Variants in INSL6 observed in about 807,000 individuals in gnomAD.
INSL6 encodes insulin-like peptide INSL6.
In INSL6, 16 loss-of-function variants were observed where a neutral mutation model predicts 9.4. The observed-to-expected ratio is 1.70, with a 90% CI of 1.15 to 2.59. The LOEUF (loss-of-function observed/expected upper bound fraction) is 2.59, where lower values mean the gene tolerates loss of function less well. INSL6 is among the 30% of genes most tolerant of loss of function. INSL6 has a pLI of 0.00. For missense variants in INSL6, 391 were observed against 257.3 expected, an observed-to-expected ratio of 1.52 and a Z score of -3.56; for synonymous variants, 154 against 96.9, an observed-to-expected ratio of 1.59 and a Z score of -3.46.
the INSL6 span, chr9:5,090,457 C>A: frequency 1.9e-6 from 3 of 1,559,830 alleles, no homozygotes; most frequent in East Asian, 4.6e-5. Context: ...TCGGCGTAAT[C>A]TAAAATTAAT....
chr9:5,067,112 C>G, the INSL6 span, among the ~76,000 whole-genome samples: 2 of 152,014 alleles, frequency 1.3e-5, no homozygotes, highest in South Asian at 4.1e-4. Flanking sequence ...AACTGGAAAT[C>G]TTTGCCACAT....
At chr9:5,075,680 G>C in the INSL6 span, among the ~76,000 whole-genome samples, 1 of 152,316 alleles carries the variant, frequency 6.6e-6, no homozygotes, top group East Asian at 1.9e-4. Flanking sequence ...AGCTCTGATG[G>C]AGATGTACAA....
chr9:5,021,765 C>G, the INSL6 span, among the ~76,000 whole-genome samples: 7 of 152,168 alleles, frequency 4.6e-5, no homozygotes, highest in Admixed American at 3.3e-4. Context: ...GCTAGGACTA[C>G]AAGTGCGTGC....
chr9:5,178,753 G>C (rs1178128902), intron 1 of INSL6, among the ~76,000 whole-genome samples: 11 of 152,156 alleles, frequency 7.2e-5, no homozygotes, highest in Admixed American at 7.2e-4. Flanking sequence ...ACAAAAACAA[G>C]CAATGAGGGA....
At chr9:5,069,146 A>G in the INSL6 span, 11 of 1,613,220 alleles carry the variant, frequency 6.8e-6, no homozygotes, top group Admixed American at 1.8e-4. Flanking sequence ...TACCAGATGG[A>G]AACTGTTCGC....
intron 3 of INSL6, chr9:5,126,813 G>A (rs771905359): frequency 1.4e-6 from 2 of 1,432,660 alleles, no homozygotes; most frequent in South Asian, 2.3e-5. Context: ...TTCATTCTGA[G>A]ACCAAAGTAG....
chr9:5,019,523 G>T, the INSL6 span, among the ~76,000 whole-genome samples: 16 of 152,006 alleles, frequency 1.1e-4, no homozygotes, highest in Non-Finnish European at 1.3e-4. Context: ...TCTTTTTCTG[G>T]CATTTCATGA....
the INSL6 span, chr9:5,114,498 G>C: frequency 2.1e-6 from 1 of 472,140 alleles, no homozygotes; most frequent in Non-Finnish European, 4.2e-6. Flanking sequence ...TCCCCCACAG[G>C]TCTACGTGTT....
chr9:5,097,997 T>A, the INSL6 span: 1 of 152,338 alleles, frequency 6.6e-6, no homozygotes, highest in Non-Finnish European at 1.5e-5. Flanking sequence ...TCCTGATGCA[T>A]ACACCGCATG....
At chr9:5,166,223 T>G (rs1001745528) in intron 1 of INSL6, among the ~76,000 whole-genome samples, 1 of 152,202 alleles carries the variant, frequency 6.6e-6, no homozygotes, top group African/African-American at 2.4e-5. Context: ...GTTTTTGTTT[T>G]GTTTTTTTAA....
At chr9:5,157,864 G>A (rs978963737) in intron 2 of INSL6, among the ~76,000 whole-genome samples, 13 of 152,108 alleles carry the variant, frequency 8.5e-5, no homozygotes, top group African/African-American at 3.1e-4. Flanking sequence ...GGTACCAGGG[G>A]CCAATCCCAC....
At chr9:5,124,025 T>C (rs894829661) in exon 4 of INSL6, among the ~76,000 whole-genome samples, 8 of 151,784 alleles carry the variant, frequency 5.3e-5, no homozygotes, top group African/African-American at 1.7e-4. Flanking sequence ...AAAATGTCTA[T>C]TGATCTCCTT....
chr9:5,025,424 G>GT, the INSL6 span, among the ~76,000 whole-genome samples: 4 of 151,836 alleles, frequency 2.6e-5, no homozygotes, highest in African/African-American at 4.8e-5. Flanking sequence ...CCTGATGGTG[G>GT]TTTTTTCTTT....
chr9:5,095,382 T>C, the INSL6 span, among the ~76,000 whole-genome samples: 1 of 152,184 alleles, frequency 6.6e-6, no homozygotes, highest in Non-Finnish European at 1.5e-5. Context: ...ATCTCCACTC[T>C]ACAGAAGCAG....
the INSL6 span, among the ~76,000 whole-genome samples, chr9:5,035,878 C>T: frequency 6.6e-6 from 1 of 152,276 alleles, no homozygotes; most frequent in African/African-American, 2.4e-5. Context: ...AAGTTCTGGC[C>T]AGGGCAGTCA....
At chr9:5,059,527 T>C in the INSL6 span, among the ~76,000 whole-genome samples, 1 of 152,294 alleles carries the variant, frequency 6.6e-6, no homozygotes, top group Non-Finnish European at 1.5e-5. Flanking sequence ...TGAACATTCT[T>C]ATACATATTT....
the INSL6 span, among the ~76,000 whole-genome samples, chr9:5,102,930 C>A: frequency 6.6e-6 from 1 of 152,116 alleles, no homozygotes; most frequent in Admixed American, 6.5e-5. Flanking sequence ...GTAGCAGCCA[C>A]TGCAAAAACA....
At chr9:5,133,566 G>C (rs576327355) in exon 3 of INSL6, 8 of 153,528 alleles carry the variant, frequency 5.2e-5, no homozygotes, top group African/African-American at 1.9e-4. Context: ...AGCATCTGGA[G>C]TGGGCCTCCA....
the INSL6 span, among the ~76,000 whole-genome samples, chr9:5,005,851 A>G: frequency 6.6e-6 from 1 of 152,166 alleles, no homozygotes; most frequent in Non-Finnish European, 1.5e-5. Flanking sequence ...CCATTGATCT[A>G]TATCTCTGTT....
Sources: gnomAD v4.1 joint callset for allele counts (sites outside exome capture counted in the v4.1 genomes callset) on GRCh38, gnomAD v4.1.1 for gene constraint, MANE v1.5 for transcripts, NCBI Gene and HGNC (gene_info 2026-07-23, HGNC 2026-07-21) for gene names.